HS6ST2: variants seen among roughly 807,000 people sequenced by gnomAD.
HS6ST2 encodes the protein heparan-sulfate 6-O-sulfotransferase 2.
A neutral mutation model predicts 33.0 loss-of-function variants in HS6ST2; 17 were observed. The ratio of observed to expected loss-of-function variants is 0.52; its 90% CI spans 0.35 to 0.77. HS6ST2 has a LOEUF of 0.77. Ranked by LOEUF, HS6ST2 falls within the 30% of genes least tolerant of loss-of-function variation. The probability of loss-of-function intolerance (pLI) is 0.01; values close to 1 mark genes in which losing one functional copy is unlikely to be tolerated. For synonymous variants in HS6ST2, 248 were observed against 237.1 expected (o/e 1.05, Z -0.42); for missense variants, 519 against 551.7 (o/e 0.94, Z 0.59).
intron 2 of HS6ST2, among the ~76,000 whole-genome samples, chrX:132,760,349 C>A (rs1325938846): frequency 9.1e-6 from 1 of 110,460 alleles, no homozygotes; most frequent in East Asian, 2.9e-4. Flanking sequence ...GCGGTTACCC[C>A]CATGCTGTTC....
chrX:132,869,369 C>G, intron 2 of HS6ST2, among the ~76,000 whole-genome samples: 1 of 112,046 alleles, frequency 8.9e-6, no homozygotes, highest in East Asian at 2.8e-4. Context: ...CCTTCTGAAA[C>G]TATTCCAATC....
At chrX:132,818,287 A>C (rs1324702297) in intron 2 of HS6ST2, among the ~76,000 whole-genome samples, 2 of 110,960 alleles carry the variant, frequency 1.8e-5, no homozygotes, top group African/African-American at 6.6e-5. Flanking sequence ...AGCTTGACCC[A>C]CCACTTACTG....
At chrX:132,952,669 C>G (rs2067026351) in intron 2 of HS6ST2, among the ~76,000 whole-genome samples, 1 of 111,331 alleles carries the variant, frequency 9.0e-6, no homozygotes, top group Non-Finnish European at 1.9e-5. Context: ...TCCATCTAAA[C>G]AAACACTTTT....
chrX:132,834,884 G>T (rs2065626085), intron 2 of HS6ST2, among the ~76,000 whole-genome samples: 1 of 111,842 alleles, frequency 8.9e-6, no homozygotes, highest in African/African-American at 3.2e-5. Context: ...GGCATAGGTG[G>T]CTCTCGCTTT....
At chrX:132,657,552 A>C (rs2148189350) in intron 4 of HS6ST2, among the ~76,000 whole-genome samples, 1 of 109,799 alleles carries the variant, frequency 9.1e-6, no homozygotes, top group African/African-American at 3.3e-5. Flanking sequence ...TTTTCCCCCC[A>C]AAGTTACTGA....
chrX:132,872,809 T>G (rs1329104365), intron 2 of HS6ST2, among the ~76,000 whole-genome samples: 1 of 111,544 alleles, frequency 9.0e-6, no homozygotes, highest in African/African-American at 3.3e-5. Context: ...CAAAGAGGCC[T>G]TACAACATAG....
intron 4 of HS6ST2, chrX:132,667,768 A>C (rs1454071299): frequency 8.9e-6 from 1 of 112,324 alleles, no homozygotes; most frequent in Non-Finnish European, 1.9e-5. Context: ...CCATTGTTGT[A>C]AGCATGGAGT....
chrX:132,653,316 A>C (rs1213610396), intron 4 of HS6ST2, among the ~76,000 whole-genome samples: 1 of 112,444 alleles, frequency 8.9e-6, no homozygotes, highest in Admixed American at 9.4e-5. Context: ...CTACAGAATT[A>C]GTCCATTTCT....
chrX:132,879,598 A>G (rs974277440), intron 2 of HS6ST2, among the ~76,000 whole-genome samples: 3 of 112,269 alleles, frequency 2.7e-5, no homozygotes, highest in Non-Finnish European at 5.6e-5. Flanking sequence ...AAGGAGGCTT[A>G]GCCAGGCTGT....
At chrX:132,930,598 T>G (rs1003507557) in intron 2 of HS6ST2, among the ~76,000 whole-genome samples, 2 of 111,027 alleles carry the variant, frequency 1.8e-5, no homozygotes, top group Non-Finnish European at 3.8e-5. Flanking sequence ...TTAGTCCCCA[T>G]GGACCCAAGA....
chrX:132,757,409 G>C (rs1184218746), intron 2 of HS6ST2, among the ~76,000 whole-genome samples: 6 of 111,768 alleles, frequency 5.4e-5, no homozygotes, highest in Admixed American at 3.8e-4. Context: ...AGTCAGGCAG[G>C]CTCACTTCCT....
chrX:132,782,687 A>T (rs374154225), intron 2 of HS6ST2, among the ~76,000 whole-genome samples: 4 of 111,612 alleles, frequency 3.6e-5, no homozygotes, highest in Middle Eastern at 4.6e-3. Context: ...GAAGCTTAGG[A>T]GAGAGGTCAG....
chrX:132,882,533 G>A (rs368261995), intron 2 of HS6ST2, among the ~76,000 whole-genome samples: 4 of 104,612 alleles, frequency 3.8e-5, no homozygotes, highest in African/African-American at 1.1e-4. Context: ...GGGCTGAGAC[G>A]ATGGGGTTTT....
At chrX:132,651,462 T>C (rs1425240615) in intron 4 of HS6ST2, among the ~76,000 whole-genome samples, 1 of 112,161 alleles carries the variant, frequency 8.9e-6, no homozygotes, top group Non-Finnish European at 1.9e-5. Flanking sequence ...ATGGTACACA[T>C]GGATTCAACT....
At chrX:132,695,242 C>T (rs766583639) in intron 3 of HS6ST2, among the ~76,000 whole-genome samples, 4 of 111,698 alleles carry the variant, frequency 3.6e-5, no homozygotes, top group Non-Finnish European at 7.5e-5. Context: ...CTCACTTGTC[C>T]TGGAAGAGTA....
intron 2 of HS6ST2, among the ~76,000 whole-genome samples, chrX:132,830,046 T>G (rs995861484): frequency 9.0e-5 from 10 of 111,613 alleles, no homozygotes; most frequent in Non-Finnish European, 1.9e-4. Context: ...ACCACTGGTG[T>G]TTTCTATGAA....
intron 2 of HS6ST2, among the ~76,000 whole-genome samples, chrX:132,806,347 A>AT (rs777770610): frequency 2.9e-4 from 31 of 107,872 alleles, no homozygotes; most frequent in South Asian, 7.8e-4. Flanking sequence ...GACCTGTGTA[A>AT]TTTTTTTTTT....
At chrX:132,714,487 TA>T (rs2064257605) in intron 2 of HS6ST2, among the ~76,000 whole-genome samples, 1 of 110,728 alleles carries the variant, frequency 9.0e-6, no homozygotes, top group South Asian at 3.9e-4. Context: ...TAATTTTTTG[TA>T]TTTTTAGTAG....
chrX:132,923,644 T>A (rs2066679328), intron 2 of HS6ST2, among the ~76,000 whole-genome samples: 1 of 111,858 alleles, frequency 8.9e-6, no homozygotes, highest in South Asian at 3.8e-4. Flanking sequence ...CATGATCTAA[T>A]TATCAGTCCA....
Sources: allele counts gnomAD v4.1 joint callset (sites outside exome capture counted in the v4.1 genomes callset), GRCh38; gene constraint gnomAD v4.1.1; transcripts MANE v1.5; gene names NCBI Gene and HGNC (gene_info 2026-07-23, HGNC 2026-07-21).